Variants in CDH13 observed in about 807,000 individuals in gnomAD.
CDH13 encodes the protein cadherin-13.
CDH13 carries 24 observed loss-of-function variants against 63.8 expected under a neutral mutation model. The ratio of observed to expected loss-of-function variants is 0.38; its 90% CI spans 0.27 to 0.53. The LOEUF is 0.53. CDH13 is among the 20% of genes least tolerant of loss of function. CDH13 has a pLI of 0.85. For synonymous variants in CDH13, 503 were observed against 355.3 expected, an observed-to-expected ratio of 1.42 and a Z score of -4.67; for missense variants, 1,049 against 903.1, an observed-to-expected ratio of 1.16 and a Z score of -2.07.
At chr16:82,701,081 C>G (rs1257372636) in intron 1 of CDH13, among the ~76,000 whole-genome samples, 1 of 151,108 alleles carries the variant, frequency 6.6e-6, no homozygotes, top group East Asian at 2.0e-4. Context: ...CTGTTTTTTT[C>G]TCTCATTGCA....
chr16:82,856,777 A>T (rs911939849), intron 1 of CDH13, among the ~76,000 whole-genome samples: 10 of 151,896 alleles, frequency 6.6e-5, no homozygotes, highest in African/African-American at 2.2e-4. Context: ...ATGAGGAAAT[A>T]AGTCAGGGAA....
chr16:83,583,599 C>T (rs2150725723), intron 7 of CDH13, among the ~76,000 whole-genome samples: 1 of 152,306 alleles, frequency 6.6e-6, no homozygotes, highest in Admixed American at 6.5e-5. Flanking sequence ...CTTTATTTTG[C>T]AGAACCAGGA....
intron 6 of CDH13, among the ~76,000 whole-genome samples, chr16:83,429,133 T>TGG (rs1567666486): frequency 6.6e-6 from 1 of 152,234 alleles, no homozygotes; most frequent in Non-Finnish European, 1.5e-5. Flanking sequence ...TATTGCAGTC[T>TGG]GGGGTCAGCT....
intron 10 of CDH13, among the ~76,000 whole-genome samples, chr16:83,704,993 C>T (rs926823234): frequency 6.6e-6 from 1 of 152,186 alleles, no homozygotes; most frequent in African/African-American, 2.4e-5. Context: ...CTGGCAACAT[C>T]CAAGAATAAG....
intron 7 of CDH13, among the ~76,000 whole-genome samples, chr16:83,590,894 C>T (rs928975571): frequency 6.8e-6 from 1 of 147,108 alleles, no homozygotes; most frequent in Non-Finnish European, 1.5e-5. Context: ...GTACACCCAC[C>T]AGGGGATTCT....
intron 7 of CDH13, among the ~76,000 whole-genome samples, chr16:83,505,282 A>G (rs2074369348): frequency 6.6e-6 from 1 of 152,174 alleles, no homozygotes; most frequent in Non-Finnish European, 1.5e-5. Flanking sequence ...GTTAGCCTAC[A>G]ACGAAGGATA....
intron 7 of CDH13, among the ~76,000 whole-genome samples, chr16:83,533,250 A>T (rs775219751): frequency 2.6e-5 from 4 of 152,152 alleles, no homozygotes; most frequent in Non-Finnish European, 5.9e-5. Flanking sequence ...CTCACTTTTC[A>T]TTGGTGTGTA....
chr16:82,828,237 A>G (rs568326192), intron 1 of CDH13, among the ~76,000 whole-genome samples: 2 of 152,338 alleles, frequency 1.3e-5, no homozygotes, highest in Middle Eastern at 3.4e-3. Flanking sequence ...TGCCTCTGCC[A>G]TGAAGACTCT....
intron 7 of CDH13, among the ~76,000 whole-genome samples, chr16:83,512,863 A>G (rs1398375539): frequency 6.6e-6 from 1 of 151,990 alleles, no homozygotes; most frequent in East Asian, 1.9e-4. Flanking sequence ...GAACCCTGGG[A>G]GGTGGCACCC....
At chr16:82,773,287 T>G (rs2035345686) in intron 1 of CDH13, 2 of 152,254 alleles carry the variant, frequency 1.3e-5, no homozygotes, top group Admixed American at 1.3e-4. Flanking sequence ...AGCCACTGCT[T>G]TGTGAAAGTT....
intron 2 of CDH13, among the ~76,000 whole-genome samples, chr16:82,971,175 C>G (rs1023992137): frequency 6.6e-6 from 1 of 152,192 alleles, no homozygotes; most frequent in Non-Finnish European, 1.5e-5. Flanking sequence ...TGCGATGACT[C>G]TAAGGCTTAT....
intron 6 of CDH13, among the ~76,000 whole-genome samples, chr16:83,409,481 G>C (rs1356786198): frequency 6.6e-6 from 1 of 152,230 alleles, no homozygotes; most frequent in East Asian, 1.9e-4. Context: ...GAATGGTTAA[G>C]GGTTTGGTTT....
At chr16:83,017,908 T>A (rs1386004073) in intron 2 of CDH13, among the ~76,000 whole-genome samples, 1 of 152,234 alleles carries the variant, frequency 6.6e-6, no homozygotes, top group Non-Finnish European at 1.5e-5. Flanking sequence ...TTACAAAGTT[T>A]TGATATGCAG....
intron 4 of CDH13, among the ~76,000 whole-genome samples, chr16:83,126,230 A>T (rs1318542962): frequency 6.6e-6 from 1 of 152,136 alleles, no homozygotes; most frequent in Non-Finnish European, 1.5e-5. Context: ...TGCTGCTTGT[A>T]CTTCTGGCCA....
intron 10 of CDH13, among the ~76,000 whole-genome samples, chr16:83,684,040 G>T (rs145896363): frequency 6.6e-6 from 1 of 152,306 alleles, no homozygotes; most frequent in Admixed American, 6.5e-5. Context: ...TATCTCTAAT[G>T]AGGAGAGGAC....
chr16:83,391,692 T>C (rs941829647), intron 6 of CDH13, among the ~76,000 whole-genome samples: 12 of 152,172 alleles, frequency 7.9e-5, no homozygotes, highest in African/African-American at 2.9e-4. Context: ...TCAGCTGCCA[T>C]GCAGACGAAC....
intron 2 of CDH13, among the ~76,000 whole-genome samples, chr16:82,976,231 G>T (rs1909485527): frequency 6.6e-6 from 1 of 152,176 alleles, no homozygotes; most frequent in African/African-American, 2.4e-5. Context: ...GCTTTTGAAG[G>T]GCTGGGGCTC....
chr16:83,210,529 A>G (rs556183654), intron 4 of CDH13, among the ~76,000 whole-genome samples: 5 of 152,126 alleles, frequency 3.3e-5, no homozygotes, highest in East Asian at 3.9e-4. Flanking sequence ...TCATTATGCA[A>G]TGTTTATTTA....
chr16:83,722,440 G>A (rs1469044379), intron 10 of CDH13, among the ~76,000 whole-genome samples: 1 of 152,170 alleles, frequency 6.6e-6, no homozygotes, highest in Non-Finnish European at 1.5e-5. Flanking sequence ...CTTTGTAGCT[G>A]TGCATTCAGT....
Sources: gnomAD v4.1 joint callset for allele counts (sites outside exome capture counted in the v4.1 genomes callset) on GRCh38, gnomAD v4.1.1 for gene constraint, MANE v1.5 for transcripts, NCBI Gene and HGNC (gene_info 2026-07-23, HGNC 2026-07-21) for gene names.